Variants in UGT3A1 observed in about 807,000 individuals in gnomAD.
UGT3A1 encodes the protein UDP-glycosyltransferase 3A1.
In UGT3A1, 40 loss-of-function variants were observed where a neutral mutation model predicts 37.6. The ratio of observed to expected loss-of-function variants is 1.06; its 90% confidence interval spans 0.83 to 1.38. The LOEUF (loss-of-function observed/expected upper bound fraction) is 1.38, where lower values mean the gene tolerates loss of function less well. UGT3A1 is among the 40% of genes most tolerant of loss of function. UGT3A1 has a pLI of 0.00. For synonymous variants in UGT3A1, 256 were observed against 232.3 expected (o/e 1.10, Z -0.93); for missense variants, 642 against 634.2 (o/e 1.01, Z -0.13).
At chr5:35,998,468 G>C (rs904726532) in intron 1 of UGT3A1, among the ~76,000 whole-genome samples, 2 of 152,182 alleles carry the variant, frequency 1.3e-5, no homozygotes, top group South Asian at 4.1e-4. Flanking sequence ...AGATCTGTCA[G>C]CTGGTCAGCC....
chr5:35,983,999 A>C (rs1164470762), intron 2 of UGT3A1, among the ~76,000 whole-genome samples: 1 of 152,214 alleles, frequency 6.6e-6, no homozygotes, highest in Non-Finnish European at 1.5e-5. Context: ...AAATAAGACA[A>C]GGATGCCCAC....
intron 5 of UGT3A1, among the ~76,000 whole-genome samples, chr5:35,956,460 T>C (rs948692428): frequency 4.6e-5 from 7 of 152,210 alleles, no homozygotes; most frequent in African/African-American, 1.7e-4. Context: ...AAATTAAATA[T>C]ACAGAAACCT....
Position 35,955,875 on chromosome 5 carries a change from TAAGA to T in UGT3A1, c.1076-15_1076-12del, listed in dbSNP as rs778462352. On this transcript the variant is annotated splice_polypyrimidine_tract_variant and intron_variant, in intron 5 of 6. Transcript: ENST00000274278. ...GGATGCTGGGGTGAGCTGTGGCAAATAAGAAAGAGAGTGGAACACTTCAGGATGA... is the reference window on the plus strand; with the variant it reads ...GGATGCTGGGGTGAGCTGTGGCAAATAAGAGAGTGGAACACTTCAGGATGA... 2.4e-5 allele frequency: 39 copies of T among 1,612,926 alleles called. No individual in the cohort carries two copies. The highest frequency in any genetic ancestry group is 2.9e-5 in the Non-Finnish European group (34 of 1,179,124).
In UGT3A1 at chr5:35,968,127, T is replaced by C; in HGVS notation, c.203A>G (p.Lys68Arg). 1 of 1,606,074 alleles carries C rather than the reference T, an allele frequency of 6.2e-7. No homozygotes were observed. The highest frequency in any genetic ancestry group is 8.5e-7 in the Non-Finnish European group (1 of 1,174,268). Residue 68 changes from lysine (K) to arginine (R), a missense_variant, in exon 3 of 7, where the codon AAA (lysine) becomes AGA (arginine). By Grantham distance (26) the Lys-to-Arg change is conservative. Transcript: ENST00000274278. Reference protein sequence around the residue: ...QSGKFLIPDIKEEEKSYQVIR... With the variant: ...QSGKFLIPDIREEEKSYQVIR... ...AACTTGGTATGATTTTTCCTCCTCT[T>C]TAATATCTAAGAAAACACCAATTGG... is the stretch of plus-strand genomic sequence containing the variant.
intron 1 of UGT3A1, among the ~76,000 whole-genome samples, chr5:35,999,989 T>A (rs1741183519): frequency 6.6e-6 from 1 of 152,244 alleles, no homozygotes; most frequent in Admixed American, 6.5e-5. Flanking sequence ...GAACTCATTT[T>A]ACTGGCCAGG....
chr5:35,990,478 A>C (rs1410915038), intron 1 of UGT3A1, among the ~76,000 whole-genome samples: 1 of 152,066 alleles, frequency 6.6e-6, no homozygotes, highest in African/African-American at 2.4e-5. Context: ...TGAGGCCCAA[A>C]ATGCAGAATT....
chr5:35,965,016 A>T lies in UGT3A1; in HGVS notation c.843+370T>A, dbSNP rs189086325. ...CAGTGTTGTCTGTTTCACTGTGAGTAGCTCATCTCCTTAACAATTATTGCA... is the reference window on the plus strand; with the variant it reads ...CAGTGTTGTCTGTTTCACTGTGAGTTGCTCATCTCCTTAACAATTATTGCA... On this transcript the variant is annotated intron_variant, in intron 4 of 6. Coordinates refer to ENST00000274278, the MANE Select transcript of UGT3A1 (RefSeq NM_152404.4). Among the ~76,000 whole-genome samples, 4 of 152,352 alleles carry T rather than the reference A, an allele frequency of 2.6e-5. No individual in the cohort carries two copies. The East Asian group carries it at 7.7e-4, about 29-fold the overall frequency.
chr5:35,973,626 G>C (rs900794078), intron 2 of UGT3A1, among the ~76,000 whole-genome samples: 1 of 152,176 alleles, frequency 6.6e-6, no homozygotes, highest in African/African-American at 2.4e-5. Context: ...GAAGGAAACA[G>C]AAAAAGAGGA....
intron 2 of UGT3A1, among the ~76,000 whole-genome samples, chr5:35,982,713 C>A (rs545573540): frequency 6.6e-6 from 1 of 151,846 alleles, no homozygotes; most frequent in South Asian, 2.1e-4. Context: ...TGAAATGGCA[C>A]GGTTTTGTTT....
At chr5:35,991,695 T>G, upstream of UGT3A1, 1 of 959,054 alleles carries the variant, frequency 1.0e-6, no homozygotes. Context: ...TACCTCATAG[T>G]GCCATCTCCA....
Position 35,997,014 on chromosome 5 carries a change from A to G in UGT3A1, c.-69+225T>C, listed in dbSNP as rs1004776968. ...CCCCTACTCAATCTTAATATCCTCT[A>G]TGACAGGGAGCCATAGATGAAACTG... On this transcript the variant is annotated intron_variant, in intron 2 of 5. Transcript: ENST00000625798. Among the ~76,000 whole-genome samples, 14 of 152,172 alleles carry G rather than the reference A, an allele frequency of 9.2e-5. 1 individual carries two copies. Among genetic ancestry groups the G allele is most frequent in the African/African-American group, 3.1e-4 (13 of 41,446 alleles).
intron 6 of UGT3A1, 77 bp from the exon 7 acceptor site, chr5:35,954,555 C>T: frequency 2.6e-6 from 4 of 1,525,566 alleles, no homozygotes; most frequent in Non-Finnish European, 3.6e-6. Context: ...CATGAGCACA[C>T]ACACAAGCAT....
At chr5:35,995,695 G>A (rs1468510102), upstream of UGT3A1, among the ~76,000 whole-genome samples, 1 of 152,064 alleles carries the variant, frequency 6.6e-6, no homozygotes, top group Non-Finnish European at 1.5e-5. Context: ...CAGGCATAAA[G>A]AGTCACGGGA....
At chr5:35,992,736 A>T (rs1255140067), upstream of UGT3A1, among the ~76,000 whole-genome samples, 1 of 152,242 alleles carries the variant, frequency 6.6e-6, no homozygotes, top group East Asian at 1.9e-4. Flanking sequence ...ATTCTAAAAA[A>T]TTATAGGAGT....
At chr5:35,988,738 C>T (rs1248433524) in intron 1 of UGT3A1, among the ~76,000 whole-genome samples, 187 bp from the exon 2 acceptor site, 1 of 152,134 alleles carries the variant, frequency 6.6e-6, no homozygotes, top group Non-Finnish European at 1.5e-5. Flanking sequence ...CCAGTACATG[C>T]ACCCAAAGCC....
rs567094992 is a variant in UGT3A1, at chr5:35,965,791, T to C, written c.438A>G (p.Ala146=). Residue 146 remains alanine (A), a synonymous_variant, in exon 4 of 7, where the codon GCA becomes GCG. Coordinates refer to ENST00000274278, the MANE Select transcript of UGT3A1 (RefSeq NM_152404.4). ...CAATCAGGAAAGAACAGAAATCAAA[T>C]GCTTCAACAAATACCAGATCATAGT... ...NENYDLVFVE[A]FDFCSFLIAE... is the part of the protein sequence containing the mutation. 8 of 1,614,220 alleles carry C rather than the reference T, an allele frequency of 5.0e-6. No homozygotes were observed. The highest frequency in any genetic ancestry group is 4.0e-5 in the African/African-American group (3 of 75,064).
At chr5:35,964,957 C>T (rs1195217387) in intron 4 of UGT3A1, among the ~76,000 whole-genome samples, 5 of 152,166 alleles carry the variant, frequency 3.3e-5, no homozygotes, top group Non-Finnish European at 7.3e-5. Context: ...TGCTGTCAGT[C>T]CCATGCAGTC....
At chr5:35,956,097 G>A (rs778419471) in intron 5 of UGT3A1, among the ~76,000 whole-genome samples, 1 of 152,232 alleles carries the variant, frequency 6.6e-6, no homozygotes, top group Non-Finnish European at 1.5e-5. Context: ...TCTGAATGCA[G>A]GGAAAGCTGG....
intron 2 of UGT3A1, among the ~76,000 whole-genome samples, chr5:35,980,195 C>A (rs1561468608): frequency 6.6e-6 from 1 of 152,176 alleles, no homozygotes; most frequent in Non-Finnish European, 1.5e-5. Context: ...GAAGTTCAAT[C>A]TGTGGCCATG....
Sources: gnomAD v4.1 joint callset for allele counts (sites outside exome capture counted in the v4.1 genomes callset) on GRCh38, gnomAD v4.1.1 for gene constraint, MANE v1.5 for transcripts, NCBI Gene and HGNC (gene_info 2026-07-23, HGNC 2026-07-21) for gene names.